The following LRBA variants were observed in gnomAD, a reference collection of about 807,000 sequenced individuals.
LRBA encodes LPS responsive beige-like anchor protein.
LRBA carries 176 observed loss-of-function variants against 330.0 expected under a neutral mutation model. That is an observed-to-expected ratio of 0.53 (90% CI 0.47 to 0.60). The LOEUF is 0.60. LRBA is among the 20% of genes least tolerant of loss of function. The pLI is 0.00. For missense variants in LRBA, 3,259 were observed against 3,444.8 expected (o/e 0.95, Z 1.35); for synonymous variants, 1,230 against 1,193.0 (o/e 1.03, Z -0.64).
intron 52 of LRBA, among the ~76,000 whole-genome samples, chr4:150,306,890 T>C (rs930829742): frequency 6.6e-6 from 1 of 152,130 alleles, no homozygotes; most frequent in African/African-American, 2.4e-5. Context: ...ATTAGCTACA[T>C]ACATTTCAAC....
chr4:150,912,472 C>T (rs1732113907), intron 9 of LRBA, among the ~76,000 whole-genome samples: 1 of 152,234 alleles, frequency 6.6e-6, no homozygotes, highest in African/African-American at 2.4e-5. Context: ...AGAAAACAAG[C>T]TCTGCTTTGT....
intron 48 of LRBA, 87 bp from the exon 49 acceptor site, chr4:150,325,985 A>G (rs1417662825): frequency 2.6e-6 from 2 of 771,616 alleles, no homozygotes; most frequent in Non-Finnish European, 2.3e-6. Flanking sequence ...ATATCATTCC[A>G]TACTCTGGCT....
intron 36 of LRBA, among the ~76,000 whole-genome samples, chr4:150,693,286 G>A (rs537454208): frequency 3.0e-4 from 46 of 152,172 alleles, no homozygotes; most frequent in East Asian, 7.7e-4. Flanking sequence ...GGCAAGGGCC[G>A]GGCGCGGTGG....
chr4:150,698,035 AT>A (rs1784795064), intron 36 of LRBA, among the ~76,000 whole-genome samples: 1 of 152,172 alleles, frequency 6.6e-6, no homozygotes, highest in Admixed American at 6.5e-5. Context: ...AAGTATTTCC[AT>A]TTTGCTTTGT....
At chr4:150,693,197 T>C (rs539059714) in intron 36 of LRBA, among the ~76,000 whole-genome samples, 2 of 152,310 alleles carry the variant, frequency 1.3e-5, no homozygotes, top group Admixed American at 6.5e-5. Context: ...AATTAAATGT[T>C]GGAAACATAA....
At chr4:150,284,528 T>C (rs1469173130) in intron 54 of LRBA, among the ~76,000 whole-genome samples, 1 of 152,228 alleles carries the variant, frequency 6.6e-6, no homozygotes, top group African/African-American at 2.4e-5. Flanking sequence ...TATGAGTTTT[T>C]AATGTTTTGA....
intron 17 of LRBA, among the ~76,000 whole-genome samples, chr4:150,888,022 G>A (rs1729128510): frequency 6.6e-6 from 1 of 151,824 alleles, no homozygotes; most frequent in Non-Finnish European, 1.5e-5. Flanking sequence ...GAAAGCAAGT[G>A]CAGAAATCTA....
At position 150,535,538 on chromosome 4, in the gene LRBA, A is replaced by G. The variant is rs535599218; in HGVS notation, c.6331-44503T>C. ...AATACATAATATCACCATTTAAATA[A>G]ATGCAAATTACAATTCACGCAAGAA... is the stretch of plus-strand genomic sequence containing the variant. On this transcript the variant is annotated intron_variant, in intron 40 of 56. Coordinates refer to ENST00000651943, the MANE Select transcript of LRBA (RefSeq NM_001364905.1). Among the ~76,000 whole-genome samples the G allele has an allele frequency of 1.9e-4, 29 of 152,284 alleles. No homozygotes were observed. In the South Asian group the frequency reaches 6.0e-3, roughly 32 times the overall value.
chr4:150,742,130 T>C (rs1486463664), intron 35 of LRBA, among the ~76,000 whole-genome samples: 1 of 114,174 alleles, frequency 8.8e-6, no homozygotes, highest in African/African-American at 3.3e-5. Context: ...ATTATTATTA[T>C]CATTATTATT....
At chr4:150,525,038 T>C (rs1581579583) in intron 40 of LRBA, among the ~76,000 whole-genome samples, 1 of 152,146 alleles carries the variant, frequency 6.6e-6, no homozygotes, top group East Asian at 1.9e-4. Context: ...AACTCTTTAA[T>C]CAATTGTCCA....
rs1179589200 is a variant in LRBA, at chr4:150,548,396, G to A, written c.6330+39652C>T. Among the ~76,000 whole-genome samples the A allele has an allele frequency of 6.6e-5, 10 of 152,210 alleles. No homozygotes were observed. The South Asian group carries it at 2.1e-3, about 32-fold the overall frequency. On this transcript the variant is annotated intron_variant, in intron 40 of 56. Transcript: ENST00000651943. ...TCTTACTGAATTAAATATATTTAAA[G>A]TGCCAAACCTGCTATCTAAAGTAAA...
chr4:150,376,476 C>T (rs1356339730), intron 47 of LRBA, among the ~76,000 whole-genome samples: 1 of 152,142 alleles, frequency 6.6e-6, no homozygotes, highest in Non-Finnish European at 1.5e-5. Flanking sequence ...AGTATATACC[C>T]TTCACTCAGC....
intron 9 of LRBA, 86 bp downstream of exon 9, chr4:150,914,109 T>A: frequency 1.0e-6 from 1 of 985,862 alleles, no homozygotes; most frequent in Non-Finnish European, 1.4e-6. Context: ...TTTTTTTGTA[T>A]CCATTAACCA....
chr4:150,901,359 T>G (rs1197537105), intron 13 of LRBA, among the ~76,000 whole-genome samples: 1 of 152,178 alleles, frequency 6.6e-6, no homozygotes, highest in Non-Finnish European at 1.5e-5. Flanking sequence ...AATCCATTAC[T>G]TAAAGCAGCA....
chr4:150,674,957 C>T (rs1409756021), intron 37 of LRBA, among the ~76,000 whole-genome samples: 1 of 151,344 alleles, frequency 6.6e-6, no homozygotes, highest in Non-Finnish European at 1.5e-5. Flanking sequence ...ATGGCTCACG[C>T]CTATAATCCT....
intron 48 of LRBA, among the ~76,000 whole-genome samples, chr4:150,338,944 A>G (rs1322997294): frequency 7.2e-6 from 1 of 138,068 alleles, no homozygotes; most frequent in African/African-American, 2.8e-5. Flanking sequence ...TTTTTAAAGC[A>G]CTTTGTATAA....
At chr4:150,958,141 G>A (rs1737738187) in intron 2 of LRBA, among the ~76,000 whole-genome samples, 1 of 149,044 alleles carries the variant, frequency 6.7e-6, no homozygotes, top group Non-Finnish European at 1.5e-5. Flanking sequence ...CCCTTCCACA[G>A]TGTCTTAGCA....
In LRBA at chr4:150,350,162, GA is replaced by G; in HGVS notation, c.7195-4del. 3 of 1,548,662 alleles carry G rather than the reference GA, an allele frequency of 1.9e-6. No homozygotes were observed. Among genetic ancestry groups the G allele is most frequent in the African/African-American group, 1.4e-5 (1 of 70,908 alleles). The stretch of plus-strand genomic sequence containing the variant: ...GAAACAAATTCACTCTCCAGGGCCT[GA>G]AAAAAGGTATACATTGTATTACTAT... On this transcript the variant is annotated splice_polypyrimidine_tract_variant and splice_region_variant and intron_variant, in intron 47 of 56. Transcript: ENST00000651943.
chr4:150,677,366 C>T lies in LRBA; in HGVS notation c.5921+6185G>A, dbSNP rs1582015338. 2.0e-5 allele frequency among the ~76,000 whole-genome samples: 3 copies of T among 152,218 alleles called. No homozygotes were observed. The East Asian group carries it at 5.8e-4, about 29-fold the overall frequency. On this transcript the variant is annotated intron_variant, in intron 37 of 56. Coordinates refer to ENST00000651943, the MANE Select transcript of LRBA (RefSeq NM_001364905.1). ...AAGAAAAACTGCATAATGAGACTTG[C>T]AGGATATTCCAAAAATGCTACAAAT...
Sources: allele counts gnomAD v4.1 joint callset (sites outside exome capture counted in the v4.1 genomes callset), GRCh38; gene constraint gnomAD v4.1.1; transcripts MANE v1.5; gene names NCBI Gene and HGNC (gene_info 2026-07-23, HGNC 2026-07-21).